MED12L: variants seen among roughly 807,000 people sequenced by gnomAD.
MED12L encodes mediator of RNA polymerase II transcription subunit 12-like protein.
MED12L carries 60 observed loss-of-function variants against 281.3 expected under a neutral mutation model. The ratio of observed to expected loss-of-function variants is 0.21; its 90% CI spans 0.17 to 0.26. The LOEUF is 0.26. MED12L is among the 10% of genes least tolerant of loss of function. The pLI is 1.00. For synonymous variants in MED12L, 974 were observed against 987.2 expected, an observed-to-expected ratio of 0.99 and a Z score of 0.25; for missense variants, 2,146 against 2,680.9, an observed-to-expected ratio of 0.80 and a Z score of 4.41.
chr3:151,109,248 G>T (rs1275829300), intron 2 of MED12L, among the ~76,000 whole-genome samples: 1 of 152,030 alleles, frequency 6.6e-6, no homozygotes, highest in African/African-American at 2.4e-5. Context: ...GTAGAGACGG[G>T]GTTTCACCGT....
chr3:151,336,664 A>T, intron 16 of MED12L: 1 of 392,312 alleles, frequency 2.5e-6, no homozygotes, highest in South Asian at 1.9e-5. Flanking sequence ...TATAAGTCTG[A>T]CCTGTTTTAT....
intron 16 of MED12L, among the ~76,000 whole-genome samples, chr3:151,260,748 G>C (rs539010854): frequency 5.5e-4 from 83 of 152,224 alleles, no homozygotes; most frequent in African/African-American, 1.9e-3. Context: ...TAGGTATTTG[G>C]ACCTAGTCTT....
intron 38 of MED12L, among the ~76,000 whole-genome samples, chr3:151,390,679 T>G (rs941192661): frequency 4.6e-5 from 7 of 152,234 alleles, no homozygotes; most frequent in African/African-American, 1.7e-4. Context: ...ATGAATTCAA[T>G]TTTCTTTCTA....
Position 151,164,110 on chromosome 3 carries a change from C to G in MED12L, c.1257+68C>G, listed in dbSNP as rs529308841. 2.0e-5 allele frequency: 31 copies of G among 1,540,828 alleles called. 1 individual carries two copies. The South Asian group carries it at 3.6e-4, about 18-fold the overall frequency. On this transcript the variant is annotated intron_variant, in intron 9 of 44. Transcript: ENST00000687756. Reference sequence around the variant, plus strand: ...TGACAGGCATCAGGGCACAGTGGGTCAAGCACAGGTTTTAGTATCTAGATG... The same window carrying G: ...TGACAGGCATCAGGGCACAGTGGGTGAAGCACAGGTTTTAGTATCTAGATG...
chr3:151,390,882 G>T (rs536052369), intron 38 of MED12L, among the ~76,000 whole-genome samples: 1 of 152,124 alleles, frequency 6.6e-6, no homozygotes, highest in African/African-American at 2.4e-5. Flanking sequence ...TCCATATTTT[G>T]TCCTCTAAAT....
rs923751292 is a variant in MED12L, at chr3:151,434,724, T to G, written c.*1920T>G. ...TTCCATCATTATTTCTTTCCAAATT[T>G]CTTTGCCAGTTCAGTTTGAACCATA... On this transcript the variant is annotated 3_prime_UTR_variant, in exon 45 of 45. Coordinates refer to ENST00000687756, the MANE Select transcript of MED12L (RefSeq NM_001393769.1). 7.9e-5 allele frequency: 12 copies of G among 152,226 alleles called. No individual in the cohort carries two copies. The allele number at this position is 152,226 out of a possible 1,614,324, so 9.4% of individuals were successfully genotyped here. A position where few individuals can be genotyped will look rare whatever the true frequency, so the allele number is the denominator to read the frequency against.
At chr3:151,168,240 A>G (rs1720967703) in intron 11 of MED12L, among the ~76,000 whole-genome samples, 1 of 152,198 alleles carries the variant, frequency 6.6e-6, no homozygotes, top group Non-Finnish European at 1.5e-5. Flanking sequence ...CAAGAAGGTT[A>G]TTAGAACTTC....
chr3:151,116,063 C>T (rs1712740839), intron 2 of MED12L, among the ~76,000 whole-genome samples: 1 of 46,598 alleles, frequency 2.1e-5, no homozygotes, highest in Non-Finnish European at 3.8e-5. Context: ...GACTCCATCT[C>T]CAAAAAAAAA....
intron 16 of MED12L, among the ~76,000 whole-genome samples, chr3:151,315,883 A>G (rs1352205444): frequency 2.0e-5 from 3 of 152,220 alleles, no homozygotes; most frequent in African/African-American, 7.2e-5. Flanking sequence ...GAAATCAAAA[A>G]GTCACTCTAC....
At chr3:151,107,804 TCAAA>T (rs1722260594) in intron 2 of MED12L, among the ~76,000 whole-genome samples, 1 of 152,178 alleles carries the variant, frequency 6.6e-6, no homozygotes, top group African/African-American at 2.4e-5. Context: ...CTGTCTCCTT[TCAAA>T]CAAAGCCACC....
At chr3:151,381,850 G>GC (rs1560105407) in intron 32 of MED12L, among the ~76,000 whole-genome samples, 1 of 152,164 alleles carries the variant, frequency 6.6e-6, no homozygotes, top group African/African-American at 2.4e-5. Flanking sequence ...CTCTCACCTT[G>GC]CAGGGTACTT....
At chr3:151,297,679 AC>A (rs1177722486) in intron 16 of MED12L, among the ~76,000 whole-genome samples, 1 of 152,106 alleles carries the variant, frequency 6.6e-6, no homozygotes, top group Non-Finnish European at 1.5e-5. Context: ...GAGTGCAAGA[AC>A]CCCTACTTCA....
chr3:151,199,016 C>A, intron 16 of MED12L: 2 of 1,614,050 alleles, frequency 1.2e-6, no homozygotes, highest in South Asian at 2.2e-5. Context: ...TTCTTGTATT[C>A]GGTAGATCTT....
chr3:151,271,449 C>G (rs1269474083), intron 16 of MED12L, among the ~76,000 whole-genome samples: 1 of 152,176 alleles, frequency 6.6e-6, no homozygotes. Flanking sequence ...CGGGTCACTT[C>G]TTATCAAGTT....
chr3:151,194,753 G>T (rs1457503242), intron 16 of MED12L, among the ~76,000 whole-genome samples: 2 of 152,046 alleles, frequency 1.3e-5, no homozygotes, highest in Non-Finnish European at 2.9e-5. Flanking sequence ...ATAAAAATTG[G>T]GTCAAAATTT....
At position 151,296,419 on chromosome 3, in the gene MED12L, C is replaced by T. The variant is rs112064619; in HGVS notation, c.2251-53640C>T. ...ATTCTTGCTGCTGCCACGCTTCCCG[C>T]GGACTGCTCCAGGCCTGTGATTGAG... is the stretch of plus-strand genomic sequence containing the variant. On this transcript the variant is annotated intron_variant, in intron 16 of 44. Transcript: ENST00000687756. Among the ~76,000 whole-genome samples the T allele has an allele frequency of 7.7e-3, 1,174 of 152,272 alleles. 8 individuals carry two copies. Among genetic ancestry groups the T allele is most frequent in the South Asian group, 0.015 (71 of 4,832 alleles).
At chr3:151,153,564 C>CTTTTTTTTTT (rs1177653143) in intron 5 of MED12L, among the ~76,000 whole-genome samples, 17 of 94,284 alleles carry the variant, frequency 1.8e-4, no homozygotes, top group South Asian at 3.6e-4. Flanking sequence ...TGTTTTCTTT[C>CTTTTTTTTTT]TTTTTTTTTT....
chr3:151,115,152 G>C (rs568879567), intron 2 of MED12L, among the ~76,000 whole-genome samples: 2 of 152,176 alleles, frequency 1.3e-5, no homozygotes, highest in South Asian at 4.1e-4. Context: ...TGTAGGTTGT[G>C]ATGTTGTGTG....
intron 5 of MED12L, among the ~76,000 whole-genome samples, chr3:151,128,440 C>T (rs1714861872): frequency 6.6e-6 from 1 of 152,188 alleles, no homozygotes; most frequent in African/African-American, 2.4e-5. Flanking sequence ...GATCCAGATT[C>T]TTTACTGTGG....
Sources: allele counts gnomAD v4.1 joint callset (sites outside exome capture counted in the v4.1 genomes callset), GRCh38; gene constraint gnomAD v4.1.1; transcripts MANE v1.5; gene names NCBI Gene and HGNC (gene_info 2026-07-23, HGNC 2026-07-21).